Variants in RIT1 observed in about 807,000 individuals in gnomAD.
The protein encoded by RIT1 is Ras like without CAAX 1.
Under a neutral mutation model 25.6 loss-of-function variants are expected in RIT1, and 6 were observed. That is an observed-to-expected ratio of 0.23 (90% confidence interval 0.13 to 0.46). The LOEUF (loss-of-function observed/expected upper bound fraction) is 0.46. Among genes scored for constraint, RIT1 ranks in the 20% least tolerant of loss-of-function variants. RIT1 has a pLI of 0.99. For synonymous variants in RIT1, 81 were observed against 94.1 expected, an observed-to-expected ratio of 0.86 and a Z score of 0.80; for missense variants, 219 against 284.4, an observed-to-expected ratio of 0.77 and a Z score of 1.65.
chr1:155,903,164 C>T (rs1222268274), intron 5 of RIT1, among the ~76,000 whole-genome samples: 2 of 151,994 alleles, frequency 1.3e-5, no homozygotes, highest in South Asian at 2.1e-4. Flanking sequence ...GGCATGGTGG[C>T]GGACACCTGT....
At chr1:155,909,142 G>A (rs550133594) in intron 3 of RIT1, among the ~76,000 whole-genome samples, 4 of 152,002 alleles carry the variant, frequency 2.6e-5, no homozygotes, top group Middle Eastern at 6.8e-3. Context: ...TTGGGAGTCC[G>A]AGGTGGGCAG....
At chr1:155,901,032 T>G (rs142205470) in intron 5 of RIT1, among the ~76,000 whole-genome samples, 44 of 152,280 alleles carry the variant, frequency 2.9e-4, no homozygotes, top group African/African-American at 8.9e-4. Context: ...TCAGGCTGGT[T>G]GTAAACTCCT....
chr1:155,902,461 A>G (rs1390423921), intron 5 of RIT1, among the ~76,000 whole-genome samples: 5 of 151,676 alleles, frequency 3.3e-5, no homozygotes, highest in Non-Finnish European at 7.4e-5. Flanking sequence ...GCTTGAACCC[A>G]GGAGGCAGAG....
At chr1:155,907,730 A>C (rs548753094) in intron 3 of RIT1, among the ~76,000 whole-genome samples, 2 of 152,272 alleles carry the variant, frequency 1.3e-5, no homozygotes, top group African/African-American at 2.4e-5. Context: ...CTCAGAAGAC[A>C]TAAGTATTTG....
At position 155,897,943 on chromosome 1, in the gene RIT1, T is replaced by C. The variant is rs1673219730; in HGVS notation, c.*2445A>G. On this transcript the variant is annotated 3_prime_UTR_variant, in exon 6 of 6. Transcript: ENST00000368323. ...TAATATATGACAAAGTTAAAACATA[T>C]GTCCCCTCTGAATTCTAAACAGCTA... 6.6e-6 allele frequency: 1 copy of C among 152,196 alleles called. No homozygotes were observed. Among genetic ancestry groups the C allele is most frequent in the Non-Finnish European group, 1.5e-5 (1 of 68,030 alleles). 9.4% of individuals were successfully genotyped at this position (152,196 alleles called of 1,614,324 possible). A position where few individuals can be genotyped will look rare whatever the true frequency, so the allele number is the denominator to read the frequency against.
chr1:155,906,779 A>AAAG (rs1673450885), intron 3 of RIT1, among the ~76,000 whole-genome samples: 5 of 123,284 alleles, frequency 4.1e-5, no homozygotes, highest in East Asian at 2.3e-4. Context: ...AAAAAAAAAA[A>AAAG]AAAAAGAAAA....
chr1:155,901,924 T>C (rs1156306092), intron 5 of RIT1, among the ~76,000 whole-genome samples: 2 of 152,074 alleles, frequency 1.3e-5, no homozygotes, highest in African/African-American at 4.8e-5. Flanking sequence ...AAGACCAGCA[T>C]GGCCAACACG....
At chr1:155,903,904 CA>C (rs990886539) in intron 5 of RIT1, among the ~76,000 whole-genome samples, 6 of 152,154 alleles carry the variant, frequency 3.9e-5, no homozygotes, top group African/African-American at 1.4e-4. Flanking sequence ...CAGCTACCCT[CA>C]AAGCTGAACT....
At position 155,898,047 on chromosome 1, in the gene RIT1, T is replaced by A. The variant is rs1018052217; in HGVS notation, c.*2341A>T. On this transcript the variant is annotated 3_prime_UTR_variant, in exon 6 of 6. Transcript: ENST00000368323. Reference sequence around the variant, plus strand: ...AACAGTTCCAGTGCCTTTCAACTTATCCCTGAATTTTTCTCTTCTCAAAGT... The same window carrying A: ...AACAGTTCCAGTGCCTTTCAACTTAACCCTGAATTTTTCTCTTCTCAAAGT... 1.3e-5 allele frequency: 2 copies of A among 152,310 alleles called. No individual in the cohort carries two copies. The highest frequency in any genetic ancestry group is 4.8e-5 in the African/African-American group (2 of 41,438). 9.4% of individuals were successfully genotyped at this position (152,310 alleles called of 1,614,324 possible).
At chr1:155,902,996 AC>A (rs1423134903) in intron 5 of RIT1, among the ~76,000 whole-genome samples, 3 of 145,780 alleles carry the variant, frequency 2.1e-5, no homozygotes, top group African/African-American at 5.1e-5. Flanking sequence ...CCCCGTCTCT[AC>A]TTAAAAATAC....
intron 3 of RIT1, among the ~76,000 whole-genome samples, chr1:155,908,093 A>C (rs1398322273): frequency 2.0e-5 from 3 of 149,976 alleles, no homozygotes; most frequent in African/African-American, 7.3e-5. Flanking sequence ...CCATCTAAAA[A>C]AAAAAAACAA....
rs1198281420 is a variant in RIT1, at chr1:155,898,919, C to G, written c.*1469G>C. 9.5e-6 allele frequency: 2 copies of G among 209,844 alleles called. No individual in the cohort carries two copies. The highest frequency in any genetic ancestry group is 1.9e-5 in the Non-Finnish European group (2 of 103,294). 13.0% of individuals were successfully genotyped at this position (209,844 alleles called of 1,614,324 possible). On this transcript the variant is annotated 3_prime_UTR_variant, in exon 6 of 6. Coordinates refer to ENST00000368323, the MANE Select transcript of RIT1 (RefSeq NM_006912.6). Reference sequence around the variant, plus strand: ...AAAACACAACTCTGTCCTACTTCCTCTAATAAAAATGGAAAATATTAAGAT... The same window carrying G: ...AAAACACAACTCTGTCCTACTTCCTGTAATAAAAATGGAAAATATTAAGAT...
intron 3 of RIT1, among the ~76,000 whole-genome samples, chr1:155,905,467 T>C (rs1271338015): frequency 6.6e-6 from 1 of 152,100 alleles, no homozygotes; most frequent in Non-Finnish European, 1.5e-5. Flanking sequence ...CCCAAAGTGC[T>C]GGTATTACAG....
intron 3 of RIT1, among the ~76,000 whole-genome samples, chr1:155,908,023 C>T (rs1296063841): frequency 1.3e-5 from 2 of 149,562 alleles, no homozygotes; most frequent in Non-Finnish European, 3.0e-5. Flanking sequence ...CCCGGGGGGG[C>T]GGAGCCTGCA....
chr1:155,899,641 A>T lies in RIT1; in HGVS notation c.*747T>A. 1 of 177,726 alleles carries T rather than the reference A, an allele frequency of 5.6e-6. No homozygotes were observed. Among genetic ancestry groups the T allele is most frequent in the Non-Finnish European group, 1.2e-5 (1 of 82,884 alleles). The allele number at this position is 177,726 out of a possible 1,614,324, so 11.0% of individuals were successfully genotyped here. A position where few individuals can be genotyped will look rare whatever the true frequency, so the allele number is the denominator to read the frequency against. ...TGATTCCCAAAATGTCTACCTTTGAAGGTAAAAAAAAAAAGAAAACCCTGA... is the reference window on the plus strand; with the variant it reads ...TGATTCCCAAAATGTCTACCTTTGATGGTAAAAAAAAAAAGAAAACCCTGA... On this transcript the variant is annotated 3_prime_UTR_variant, in exon 6 of 6. Transcript: ENST00000368323.
In RIT1 at chr1:155,898,545, C is replaced by G. The variant is rs1974259; in HGVS notation, c.*1843G>C. 64,936 of 108,350 alleles carry G rather than the reference C, an allele frequency of 0.6. 19,752 individuals carry two copies. Among genetic ancestry groups the G allele is most frequent in the Non-Finnish European group, 0.71 (42,731 of 60,050 alleles). The allele number at this position is 108,350 out of a possible 1,614,324, so 6.7% of individuals were successfully genotyped here. A position where few individuals can be genotyped will look rare whatever the true frequency, so the allele number is the denominator to read the frequency against. On this transcript the variant is annotated 3_prime_UTR_variant, in exon 6 of 6. Transcript: ENST00000368323. ...TATATATATATATATATATATATAT[C>G]TCTTAATGTTAATAACAATTCCCTA... is the stretch of plus-strand genomic sequence containing the variant.
At chr1:155,901,052 TG>T (rs1454899939) in intron 5 of RIT1, among the ~76,000 whole-genome samples, 1 of 152,150 alleles carries the variant, frequency 6.6e-6, no homozygotes, top group Non-Finnish European at 1.5e-5. Context: ...TGACCTCAGG[TG>T]ATCTGCCCAC....
Position 155,898,337 on chromosome 1 carries a change from T to G in RIT1, c.*2051A>C, listed in dbSNP as rs1245816376. 2 of 151,652 alleles carry G rather than the reference T, an allele frequency of 1.3e-5. No individual in the cohort carries two copies. Among genetic ancestry groups the G allele is most frequent in the Non-Finnish European group, 2.9e-5 (2 of 67,904 alleles). The allele number at this position is 151,652 out of a possible 1,614,324, so 9.4% of individuals were successfully genotyped here. On this transcript the variant is annotated 3_prime_UTR_variant, in exon 6 of 6. Coordinates refer to ENST00000368323, the MANE Select transcript of RIT1 (RefSeq NM_006912.6). ...TCCTTTCTATCCTTCTGGCAATGTT[T>G]CTACTGCCTGACTACCTTAAATAAC...
At chr1:155,903,003 A>G (rs1673345360) in intron 5 of RIT1, among the ~76,000 whole-genome samples, 1 of 147,568 alleles carries the variant, frequency 6.8e-6, no homozygotes, top group African/African-American at 2.5e-5. Context: ...TCTACTTAAA[A>G]ATACAAAAAT....
Sources: allele counts gnomAD v4.1 joint callset (sites outside exome capture counted in the v4.1 genomes callset), GRCh38; gene constraint gnomAD v4.1.1; transcripts MANE v1.5; gene names NCBI Gene and HGNC (gene_info 2026-07-23, HGNC 2026-07-21).